Variants in SLC12A6 observed in about 807,000 individuals in gnomAD.
The protein encoded by SLC12A6 is solute carrier family 12 member 6.
Under a neutral mutation model 135.3 loss-of-function variants are expected in SLC12A6, and 66 were observed. The ratio of observed to expected loss-of-function variants is 0.49; its 90% CI spans 0.40 to 0.60. The LOEUF (loss-of-function observed/expected upper bound fraction) is 0.60, where lower values mean the gene tolerates loss of function less well. SLC12A6 is among the 20% of genes least tolerant of loss of function. SLC12A6 has a pLI of 0.00. For synonymous variants in SLC12A6, 513 were observed against 508.8 expected (o/e 1.01, Z -0.11); for missense variants, 1,058 against 1,452.3 (o/e 0.73, Z 4.41).
chr15:34,237,901 G>A (rs1268502411), intron 21 of SLC12A6, among the ~76,000 whole-genome samples: 1 of 152,194 alleles, frequency 6.6e-6, no homozygotes, highest in Non-Finnish European at 1.5e-5. Flanking sequence ...ACCACGGAAT[G>A]AGCGCATATA....
rs1890276940 is a variant in SLC12A6 at position 34,337,491 on chromosome 15, G to A, written c.-232C>T. ...TCAAGACACCTCGGACTGCAGCTCA[G>A]AGTCGTGGCAAGTCGTAGCTAGTCC... On this transcript the variant is annotated 5_prime_UTR_variant, in exon 1 of 26. Coordinates refer to ENST00000354181, the MANE Select transcript of SLC12A6 (RefSeq NM_001365088.1). 6.6e-6 allele frequency: 1 copy of A among 152,418 alleles called. No homozygotes were observed. The highest frequency in any genetic ancestry group is 2.4e-5 in the African/African-American group (1 of 41,434). 9.4% of individuals were successfully genotyped at this position (152,418 alleles called of 1,614,324 possible).
intron 2 of SLC12A6, among the ~76,000 whole-genome samples, chr15:34,302,688 T>C (rs189908148): frequency 5.5e-4 from 83 of 151,390 alleles, no homozygotes; most frequent in Non-Finnish European, 1.1e-3. Context: ...CAGTGGCTCA[T>C]GCCTATAATC....
intron 13 of SLC12A6, among the ~76,000 whole-genome samples, chr15:34,248,791 T>G (rs1473053007): frequency 6.6e-6 from 1 of 152,130 alleles, no homozygotes; most frequent in African/African-American, 2.4e-5. Context: ...AGGTGGAGTG[T>G]TTACCTCTGT....
chr15:34,332,387 G>A (rs1031490373), intron 2 of SLC12A6, among the ~76,000 whole-genome samples: 1 of 152,190 alleles, frequency 6.6e-6, no homozygotes, highest in African/African-American at 2.4e-5. Flanking sequence ...TGCAAAGGTA[G>A]AAACTATATG....
intron 20 of SLC12A6, 73 bp from the exon 21 acceptor site, chr15:34,238,474 G>A: frequency 8.5e-7 from 1 of 1,173,278 alleles, no homozygotes; most frequent in Non-Finnish European, 1.3e-6. Flanking sequence ...AGGAAAGCAA[G>A]GAAATGCTCT....
At chr15:34,245,472 AG>A in intron 14 of SLC12A6, 69 bp from the exon 15 acceptor site, 4 of 987,040 alleles carry the variant, frequency 4.1e-6, no homozygotes, top group Non-Finnish European at 6.6e-6. Context: ...TCTAGCCTAC[AG>A]TTTTCAGACA....
intron 3 of SLC12A6, among the ~76,000 whole-genome samples, chr15:34,261,889 C>T (rs538412551): frequency 4.6e-5 from 7 of 152,308 alleles, no homozygotes; most frequent in African/African-American, 1.4e-4. Context: ...AAAAGAAATG[C>T]TTATACACTG....
At chr15:34,322,759 C>T (rs1197316619) in intron 2 of SLC12A6, among the ~76,000 whole-genome samples, 1 of 151,776 alleles carries the variant, frequency 6.6e-6, no homozygotes, top group Non-Finnish European at 1.5e-5. Context: ...GGGCAGATCA[C>T]TTGAGGTCAG....
In SLC12A6 at chr15:34,258,901, C is replaced by A. The variant is rs200361670; in HGVS notation, c.455G>T (p.Arg152Leu). The A allele has an allele frequency of 1.9e-6, 3 of 1,609,876 alleles. No individual in the cohort carries two copies. The highest frequency in any genetic ancestry group is 2.6e-6 in the Non-Finnish European group (3 of 1,176,214). The change falls in exon 5 of 26, where the codon CGC becomes CTC. Residue 152 changes from arginine to leucine, a missense_variant. Arg to Leu is a moderately radical substitution (Grantham distance 102). Around this residue, in one of 6 missense-constraint regions of SLC12A6, gnomAD observed 139 missense variants for 202.2 expected, o/e 0.69. Coordinates refer to ENST00000354181, the MANE Select transcript of SLC12A6 (RefSeq NM_001365088.1). Reference sequence around the variant, plus strand: ...AGTCAGATTAGTGTAATTGGCCATGCGGTTGAGGAGGGAAGACACCTTCGG... The same window carrying A: ...AGTCAGATTAGTGTAATTGGCCATGAGGTTGAGGAGGGAAGACACCTTCGG... ...TRPKVSSLLNRMANYTNLTQG... is the reference protein window; with the variant it reads ...TRPKVSSLLNLMANYTNLTQG...
chr15:34,269,092 A>T (rs538524539), intron 3 of SLC12A6, among the ~76,000 whole-genome samples: 77 of 151,834 alleles, frequency 5.1e-4, no homozygotes, highest in African/African-American at 1.6e-3. Context: ...TCCTGACCTC[A>T]GGTGATCCAC....
chr15:34,284,277 CTTTTTT>C (rs71415558), intron 2 of SLC12A6, among the ~76,000 whole-genome samples: 21 of 92,492 alleles, frequency 2.3e-4, no homozygotes, highest in Admixed American at 7.5e-4. Context: ...TGTTTCTTTT[CTTTTTT>C]TTTTTTTTTT....
rs567361041 is a variant in SLC12A6 at position 34,235,294 on chromosome 15, C to T, written c.3248G>A (p.Arg1083Gln). The T allele has an allele frequency of 5.0e-6, 8 of 1,612,880 alleles. No homozygotes were observed. The highest frequency in any genetic ancestry group is 2.7e-5 in the African/African-American group (2 of 74,860). Residue 1083 changes from arginine (R) to glutamine (Q), a missense_variant, in exon 25 of 26, where the codon CGG becomes CAG. Around this residue, in one of 6 missense-constraint regions of SLC12A6, gnomAD observed 245 missense variants for 440.8 expected, o/e 0.56. Coordinates refer to ENST00000354181, the MANE Select transcript of SLC12A6 (RefSeq NM_001365088.1). Reference sequence around the variant, plus strand: ...GTTGAGTTTCACTGCTGTATGCATCCGCCTCACATTGGACTGGTCCCTGAG... The same window carrying T: ...GTTGAGTTTCACTGCTGTATGCATCTGCCTCACATTGGACTGGTCCCTGAG... ...NMRPDQSNVR[R>Q]MHTAVKLNEV...
intron 3 of SLC12A6, among the ~76,000 whole-genome samples, chr15:34,261,571 T>G (rs1232974993): frequency 1.3e-5 from 2 of 152,230 alleles, no homozygotes; most frequent in East Asian, 1.9e-4. Flanking sequence ...GTGCTGGGAT[T>G]ACAGGCGTGA....
intron 2 of SLC12A6, among the ~76,000 whole-genome samples, chr15:34,307,489 C>A (rs1896677223): frequency 6.6e-6 from 1 of 151,954 alleles, no homozygotes; most frequent in South Asian, 2.1e-4. Flanking sequence ...TTACATTTTT[C>A]TTTTATTTTT....
At chr15:34,294,347 C>T (rs1895738462) in intron 2 of SLC12A6, among the ~76,000 whole-genome samples, 1 of 152,144 alleles carries the variant, frequency 6.6e-6, no homozygotes, top group Non-Finnish European at 1.5e-5. Context: ...ATTCTCCTGC[C>T]TCAGCCTCCT....
At position 34,243,962 on chromosome 15, in the gene SLC12A6, A is replaced by C. The variant is rs1297919591; in HGVS notation, c.2042+12T>G. The C allele has an allele frequency of 2.7e-6, 4 of 1,460,934 alleles. No individual in the cohort carries two copies. Among genetic ancestry groups the C allele is most frequent in the Middle Eastern group, 1.7e-4 (1 of 5,806 alleles). 90.5% of individuals were successfully genotyped at this position (1,460,934 alleles called of 1,614,324 possible). Reference sequence around the variant, plus strand: ...CAAACGTGAGTAAAAAGAATAAAAGAAGCAGACTTACCAATGGTAGTAGCG... The same window carrying C: ...CAAACGTGAGTAAAAAGAATAAAAGCAGCAGACTTACCAATGGTAGTAGCG... On this transcript the variant is annotated intron_variant, in intron 16 of 25. Transcript: ENST00000354181.
intron 5 of SLC12A6, 155 bp from the exon 6 acceptor site, chr15:34,257,943 CCATCTTT>C: frequency 1.6e-6 from 1 of 623,644 alleles, no homozygotes. Flanking sequence ...TATAAAATCT[CCATCTTT>C]CAAGTGTTTA....
intron 9 of SLC12A6, among the ~76,000 whole-genome samples, chr15:34,252,782 A>C (rs1892483576): frequency 6.6e-6 from 1 of 152,238 alleles, no homozygotes; most frequent in Non-Finnish European, 1.5e-5. Context: ...TTTTTGGCTA[A>C]AATTGTTAGG....
intron 25 of SLC12A6, among the ~76,000 whole-genome samples, chr15:34,234,225 A>C (rs1308623555): frequency 6.6e-6 from 1 of 152,212 alleles, no homozygotes; most frequent in Admixed American, 6.5e-5. Flanking sequence ...TACTCTAAAT[A>C]AGATAAAAAT....
Sources: allele counts gnomAD v4.1 joint callset (sites outside exome capture counted in the v4.1 genomes callset), GRCh38; gene constraint gnomAD v4.1.1; regional missense constraint gnomAD v4.1.1; transcripts MANE v1.5; gene names NCBI Gene and HGNC (gene_info 2026-07-23, HGNC 2026-07-21).